NDP: variants seen among roughly 807,000 people sequenced by gnomAD.
The protein encoded by NDP is norrin.
A neutral mutation model predicts 8.4 loss-of-function variants in NDP; 2 were observed. The ratio of observed to expected loss-of-function variants is 0.24; its 90% CI spans 0.10 to 0.75. The LOEUF (loss-of-function observed/expected upper bound fraction) is 0.75, where lower values mean the gene tolerates loss of function less well. Ranked by LOEUF, NDP falls within the 30% of genes least tolerant of loss-of-function variation. NDP has a pLI of 0.73. For missense variants in NDP, 81 were observed against 110.1 expected (o/e 0.74, Z 1.18); for synonymous variants, 55 against 45.6 (o/e 1.21, Z -0.83).
chrX:43,970,413 G>T (rs2035885091), intron 1 of NDP, among the ~76,000 whole-genome samples: 1 of 112,293 alleles, frequency 8.9e-6, no homozygotes, highest in Non-Finnish European at 1.9e-5. Flanking sequence ...GCTGGCTAGG[G>T]TGAGTCAGGC....
intron 2 of NDP, among the ~76,000 whole-genome samples, chrX:43,951,285 T>G (rs1339666345): frequency 9.2e-6 from 1 of 108,862 alleles, no homozygotes; most frequent in Non-Finnish European, 1.9e-5. Flanking sequence ...CGTGGTGATG[T>G]GCACCTGTAG....
chrX:43,971,178 G>A (rs2035889311), intron 1 of NDP, among the ~76,000 whole-genome samples: 1 of 112,171 alleles, frequency 8.9e-6, no homozygotes, highest in African/African-American at 3.2e-5. Context: ...ATGGGACAAT[G>A]TCTCATTCAC....
intron 2 of NDP, 148 bp from the exon 3 acceptor site, chrX:43,950,174 C>T (rs2035752903): frequency 5.9e-6 from 3 of 511,145 alleles, no homozygotes; most frequent in Non-Finnish European, 1.0e-5. Context: ...TTTTTTAAGT[C>T]AACACCCAGG....
chrX:43,972,723 C>G (rs1365988181), intron 1 of NDP, among the ~76,000 whole-genome samples: 2 of 112,591 alleles, frequency 1.8e-5, no homozygotes, highest in East Asian at 5.5e-4. Flanking sequence ...AAGAAGAGTG[C>G]AAGGGAGCAG....
chrX:43,967,673 G>A (rs182699105), intron 1 of NDP, among the ~76,000 whole-genome samples: 28 of 111,607 alleles, frequency 2.5e-4, no homozygotes, highest in Non-Finnish European at 3.6e-4. Flanking sequence ...CTTCTCCCCT[G>A]ACCTGCTCTC....
At chrX:43,963,021 G>A (rs190193586) in intron 1 of NDP, among the ~76,000 whole-genome samples, 101 of 112,103 alleles carry the variant, frequency 9.0e-4, no homozygotes, top group Non-Finnish European at 1.4e-3. Flanking sequence ...CTGGTTTCAC[G>A]CAAGTTATCT....
In NDP at chrX:43,949,851, G is replaced by A; in HGVS notation, c.350C>T (p.Thr117Ile). The A allele has an allele frequency of 8.4e-7, 1 of 1,190,843 alleles. No homozygotes were observed. Among genetic ancestry groups the A allele is most frequent in the Non-Finnish European group, 1.1e-6 (1 of 885,002 alleles). The change falls in exon 3 of 3, where the codon ACT (threonine) becomes ATT (isoleucine). Residue 117 changes from threonine (T) to isoleucine (I), a missense_variant. Coordinates refer to ENST00000642620, the MANE Select transcript of NDP (RefSeq NM_000266.4). Reference sequence around the variant, plus strand: ...GGAGAGGATGTACCGGTAGGTGGCAGTGAGTCGCATGCCCCCTGAGCATCG... The same window carrying A: ...GGAGAGGATGTACCGGTAGGTGGCAATGAGTCGCATGCCCCCTGAGCATCG... ...RLRCSGGMRL[T>I]ATYRYILSCH... is the part of the protein sequence containing the mutation.
intron 2 of NDP, among the ~76,000 whole-genome samples, chrX:43,951,550 C>T (rs1022851140): frequency 7.1e-5 from 8 of 112,075 alleles, no homozygotes. Flanking sequence ...GTTTACCTTA[C>T]AATATTGTAG....
chrX:43,964,187 G>A (rs1469778138), intron 1 of NDP, among the ~76,000 whole-genome samples: 1 of 111,624 alleles, frequency 9.0e-6, no homozygotes, highest in East Asian at 2.8e-4. Flanking sequence ...TCTGTGATAG[G>A]ACTCTGTGTT....
chrX:43,953,855 T>C (rs17214909), intron 2 of NDP, among the ~76,000 whole-genome samples: 1 of 112,758 alleles, frequency 8.9e-6, no homozygotes, highest in Non-Finnish European at 1.9e-5. Flanking sequence ...CAGACTTCCT[T>C]ATCTACATTG....
chrX:43,962,604 T>C (rs2035832649), intron 1 of NDP, among the ~76,000 whole-genome samples: 1 of 111,929 alleles, frequency 8.9e-6, no homozygotes, highest in South Asian at 3.7e-4. Flanking sequence ...TGTCATAAAA[T>C]CAAATGCTGC....
intron 1 of NDP, among the ~76,000 whole-genome samples, chrX:43,963,046 G>A (rs775548910): frequency 1.8e-5 from 2 of 112,373 alleles, no homozygotes; most frequent in East Asian, 5.6e-4. Context: ...AACAGGCTAA[G>A]TGGTATGTGC....
chrX:43,962,963 G>C (rs1282316389), intron 1 of NDP, among the ~76,000 whole-genome samples: 1 of 112,223 alleles, frequency 8.9e-6, no homozygotes, highest in African/African-American at 3.2e-5. Context: ...TGTGCCCACA[G>C]ATCAGCTCAC....
chrX:43,965,267 A>T (rs34645280), intron 1 of NDP, among the ~76,000 whole-genome samples: 1 of 109,163 alleles, frequency 9.2e-6, no homozygotes, highest in East Asian at 2.9e-4. Flanking sequence ...TAATAAAAAA[A>T]TACTAGCCAG....
chrX:43,966,428 G>T (rs145964953), intron 1 of NDP: 3 of 111,582 alleles, frequency 2.7e-5, no homozygotes, highest in African/African-American at 9.8e-5. Context: ...ATTTCAGTCA[G>T]GGAAGGATCC....
At chrX:43,951,821 A>G (rs1386772749) in intron 2 of NDP, among the ~76,000 whole-genome samples, 1 of 112,150 alleles carries the variant, frequency 8.9e-6, no homozygotes, top group Middle Eastern at 4.2e-3. Flanking sequence ...GGGAAGAATA[A>G]GTTGGACTAG....
intron 1 of NDP, among the ~76,000 whole-genome samples, chrX:43,970,902 C>T (rs1432702990): frequency 8.9e-6 from 1 of 111,829 alleles, no homozygotes; most frequent in East Asian, 2.8e-4. Flanking sequence ...GATTCTTCTA[C>T]CCAGGCTGGA....
Position 43,949,420 on chromosome X carries a change from C to A in NDP, c.*379G>T, listed in dbSNP as rs1254644863. On this transcript the variant is annotated 3_prime_UTR_variant, in exon 3 of 3. Coordinates refer to ENST00000642620, the MANE Select transcript of NDP (RefSeq NM_000266.4). ...TCCCAGGAAAAGCTGGGCTTTTCTA[C>A]TTTCCAAAGTAAATTCTTCCCCAGC... 1.1e-5 allele frequency: 2 copies of A among 189,526 alleles called. No individual in the cohort carries two copies. Among genetic ancestry groups the A allele is most frequent in the Non-Finnish European group, 1.9e-5 (2 of 102,812 alleles). The allele number at this position is 189,526 out of a possible 1,213,427, so 15.6% of individuals were successfully genotyped here. A position where few individuals can be genotyped will look rare whatever the true frequency, so the allele number is the denominator to read the frequency against.
chrX:43,966,344 G>A (rs771111984), intron 1 of NDP, among the ~76,000 whole-genome samples: 6 of 111,385 alleles, frequency 5.4e-5, no homozygotes, highest in Non-Finnish European at 1.9e-5. Flanking sequence ...TAACAAAAGA[G>A]GAGGAGGAGG....
Sources: allele counts gnomAD v4.1 joint callset (sites outside exome capture counted in the v4.1 genomes callset), GRCh38; gene constraint gnomAD v4.1.1; transcripts MANE v1.5; gene names NCBI Gene and HGNC (gene_info 2026-07-23, HGNC 2026-07-21).